PDGFC: variants seen among roughly 807,000 people sequenced by gnomAD.
PDGFC encodes the protein platelet derived growth factor C.
Under a neutral mutation model 35.5 loss-of-function variants are expected in PDGFC, and 12 were observed. That is an observed-to-expected ratio of 0.34 (90% CI 0.22 to 0.55). The LOEUF (loss-of-function observed/expected upper bound fraction) is 0.55, where lower values mean the gene tolerates loss of function less well. Ranked by LOEUF, PDGFC falls within the 20% of genes least tolerant of loss-of-function variation. PDGFC has a pLI of 0.91. For synonymous variants in PDGFC, 159 were observed against 148.8 expected (o/e 1.07, Z -0.50); for missense variants, 322 against 412.4 (o/e 0.78, Z 1.90).
intron 2 of PDGFC, among the ~76,000 whole-genome samples, chr4:156,848,767 T>C (rs1248703970): frequency 6.6e-6 from 1 of 151,854 alleles, no homozygotes; most frequent in Admixed American, 6.6e-5. Flanking sequence ...AGTAACAAAA[T>C]TTAGGACAAT....
chr4:156,797,162 T>C (rs1731466100), intron 3 of PDGFC, among the ~76,000 whole-genome samples: 1 of 149,966 alleles, frequency 6.7e-6, no homozygotes, highest in Non-Finnish European at 1.5e-5. Context: ...GGCATGAACC[T>C]GGGAGGCAGA....
intron 1 of PDGFC, among the ~76,000 whole-genome samples, chr4:156,851,318 T>C (rs1408534296): frequency 6.6e-6 from 1 of 152,226 alleles, no homozygotes; most frequent in Non-Finnish European, 1.5e-5. Flanking sequence ...CACTTCTCAA[T>C]GCATGAATAC....
intron 1 of PDGFC, among the ~76,000 whole-genome samples, chr4:156,865,791 T>C (rs1233587051): frequency 6.6e-6 from 1 of 152,220 alleles, no homozygotes; most frequent in Non-Finnish European, 1.5e-5. Flanking sequence ...GGGTGAGTTG[T>C]AGCAGAAGTT....
In PDGFC at chr4:156,813,152, T is replaced by A. The variant is rs550509747; in HGVS notation, c.315-2135A>T. Among the ~76,000 whole-genome samples, 3 of 152,126 alleles carry A rather than the reference T, an allele frequency of 2.0e-5. No homozygotes were observed. In the East Asian group the frequency reaches 5.8e-4, roughly 30 times the overall value. On this transcript the variant is annotated intron_variant, in intron 2 of 5. Transcript: ENST00000502773. ...ATCTATTTGGCAGAAACGTTGATAATCATCATTTTTATCGAATGGTAATTT... is the reference window on the plus strand; with the variant it reads ...ATCTATTTGGCAGAAACGTTGATAAACATCATTTTTATCGAATGGTAATTT...
intron 4 of PDGFC, chr4:156,770,136 A>T (rs1312824325): frequency 6.6e-6 from 1 of 152,034 alleles, no homozygotes; most frequent in Non-Finnish European, 1.5e-5. Context: ...ACAATGTGAA[A>T]ATTTAAACAC....
chr4:156,864,746 G>C (rs886664613), intron 1 of PDGFC, among the ~76,000 whole-genome samples: 1 of 152,066 alleles, frequency 6.6e-6, no homozygotes, highest in African/African-American at 2.4e-5. Flanking sequence ...TAATGATGAA[G>C]AAAGTTTTGA....
intron 1 of PDGFC, among the ~76,000 whole-genome samples, chr4:156,871,562 C>A (rs1168562465): frequency 6.6e-6 from 1 of 151,890 alleles, no homozygotes; most frequent in Non-Finnish European, 1.5e-5. Context: ...AATTTTTGCT[C>A]AATATGTACA....
chr4:156,953,304 A>G (rs1180630659), intron 1 of PDGFC, among the ~76,000 whole-genome samples: 1 of 151,956 alleles, frequency 6.6e-6, no homozygotes, highest in Non-Finnish European at 1.5e-5. Flanking sequence ...CAAATCAAAC[A>G]GCCAACTTAC....
At chr4:156,866,308 A>G (rs1368232313) in intron 1 of PDGFC, among the ~76,000 whole-genome samples, 1 of 152,176 alleles carries the variant, frequency 6.6e-6, no homozygotes, top group East Asian at 1.9e-4. Context: ...ATGGCTGCAT[A>G]GTATTCCATT....
intron 1 of PDGFC, among the ~76,000 whole-genome samples, chr4:156,912,984 A>G (rs1731073939): frequency 6.6e-6 from 1 of 152,158 alleles, no homozygotes; most frequent in Non-Finnish European, 1.5e-5. Context: ...TATTTTGGAC[A>G]TAAGCTTCCA....
chr4:156,825,584 T>TAAGAAGAAGAAGAAGAAG (rs1371864016), intron 2 of PDGFC, among the ~76,000 whole-genome samples: 27 of 90,206 alleles, frequency 3.0e-4, no homozygotes, highest in East Asian at 1.3e-3. Context: ...ATAATAATAA[T>TAAGAAGAAGAAGAAGAAG]AATAATAATA....
At chr4:156,839,724 A>C (rs758816314) in intron 2 of PDGFC, among the ~76,000 whole-genome samples, 20 of 152,222 alleles carry the variant, frequency 1.3e-4, no homozygotes, top group Non-Finnish European at 2.4e-4. Flanking sequence ...CTCAGAAGAC[A>C]GGAAGATTTG....
intron 2 of PDGFC, among the ~76,000 whole-genome samples, chr4:156,818,516 G>GTTTTTTTTTTTTTTT (rs35714916): frequency 1.0e-5 from 1 of 98,894 alleles, no homozygotes. Flanking sequence ...CTTTCTAGCT[G>GTTTTTTTTTTTTTTT]TTTTTTTTTT....
chr4:156,824,302 A>T, intron 2 of PDGFC, among the ~76,000 whole-genome samples: 1 of 39,134 alleles, frequency 2.6e-5, no homozygotes, highest in Non-Finnish European at 6.0e-5. Flanking sequence ...ATATATATAT[A>T]TATATATATA....
chr4:156,934,281 G>A (rs1477816333), intron 1 of PDGFC, among the ~76,000 whole-genome samples: 1 of 152,198 alleles, frequency 6.6e-6, no homozygotes, highest in East Asian at 1.9e-4. Flanking sequence ...TGTCAAGCAT[G>A]TTATTGTACT....
chr4:156,925,218 A>G (rs987110923), intron 1 of PDGFC, among the ~76,000 whole-genome samples: 6 of 152,210 alleles, frequency 3.9e-5, no homozygotes, highest in African/African-American at 1.4e-4. Flanking sequence ...TCAGTAAAGC[A>G]GGTAAAGGCC....
intron 1 of PDGFC, among the ~76,000 whole-genome samples, chr4:156,889,145 CCAGA>C (rs887849259): frequency 1.3e-5 from 2 of 152,082 alleles, no homozygotes; most frequent in Admixed American, 6.6e-5. Flanking sequence ...GTTTTCTTGC[CCAGA>C]CAGAGGCCTA....
At chr4:156,791,648 T>TA (rs2110882956) in intron 3 of PDGFC, among the ~76,000 whole-genome samples, 1 of 152,312 alleles carries the variant, frequency 6.6e-6, no homozygotes, top group Admixed American at 6.5e-5. Context: ...AGTGCAAACA[T>TA]AGATTTTACA....
chr4:156,854,007 A>G (rs1346247380), intron 1 of PDGFC, among the ~76,000 whole-genome samples: 3 of 152,010 alleles, frequency 2.0e-5, no homozygotes, highest in Non-Finnish European at 4.4e-5. Flanking sequence ...ATAATCATAA[A>G]CTCTTGAAAA....
Sources: gnomAD v4.1 joint callset for allele counts (sites outside exome capture counted in the v4.1 genomes callset) on GRCh38, gnomAD v4.1.1 for gene constraint, MANE v1.5 for transcripts, NCBI Gene and HGNC (gene_info 2026-07-23, HGNC 2026-07-21) for gene names.